The following PHACTR3 variants were observed in gnomAD, a reference collection of about 807,000 sequenced individuals.
PHACTR3 encodes the protein protein phosphatase 1, regulatory subunit 123.
Under a neutral mutation model 66.8 loss-of-function variants are expected in PHACTR3, and 16 were observed. The ratio of observed to expected loss-of-function variants is 0.24; its 90% CI spans 0.16 to 0.36. PHACTR3 has a LOEUF of 0.36. PHACTR3 is among the 10% of genes least tolerant of loss of function. The pLI is 1.00. For synonymous variants in PHACTR3, 323 were observed against 292.1 expected (o/e 1.11, Z -1.08); for missense variants, 647 against 719.9 (o/e 0.90, Z 1.16).
At chr20:59,831,863 G>C (rs553350880) in intron 8 of PHACTR3, among the ~76,000 whole-genome samples, 3 of 152,200 alleles carry the variant, frequency 2.0e-5, no homozygotes, top group Non-Finnish European at 1.5e-5. Context: ...GGCTCTGGGG[G>C]TCTGCTCTCA....
chr20:59,623,132 T>C (rs1002216037), intron 1 of PHACTR3, among the ~76,000 whole-genome samples: 4 of 151,772 alleles, frequency 2.6e-5, no homozygotes, highest in African/African-American at 9.7e-5. Flanking sequence ...GGCAGGAGCA[T>C]TATTGAAAAA....
intron 1 of PHACTR3, among the ~76,000 whole-genome samples, chr20:59,705,215 C>T (rs952089261): frequency 1.3e-5 from 2 of 152,204 alleles, no homozygotes; most frequent in Non-Finnish European, 2.9e-5. Context: ...GCCTCAGCCT[C>T]CCAAAGTGCT....
At chr20:59,622,134 G>T (rs532878450) in intron 1 of PHACTR3, among the ~76,000 whole-genome samples, 18 of 151,382 alleles carry the variant, frequency 1.2e-4, no homozygotes, top group African/African-American at 4.1e-4. Context: ...GCACGTGTGG[G>T]TACTTCCCCT....
chr20:59,829,744 C>T lies in PHACTR3; in HGVS notation c.1329-6761C>T, dbSNP rs1303076628. On this transcript the variant is annotated intron_variant, in intron 8 of 12. Transcript: ENST00000371015. This position sits in a 1 kb window ranked among gnomAD's most constrained non-coding sequence, Gnocchi z 4.2. ...GCGTCCCCTGTGGGTGTCGAGCTGT[C>T]TGTTCTCTCTAGGAAGGCATTCTGC... Among the ~76,000 whole-genome samples the T allele has an allele frequency of 2.0e-5, 3 of 152,240 alleles. No individual in the cohort carries two copies. The highest frequency in any genetic ancestry group is 4.8e-5 in the African/African-American group (2 of 41,470).
In PHACTR3 at chr20:59,818,739, A is replaced by C. The variant is rs532600909; in HGVS notation, c.1328+12545A>C. Among the ~76,000 whole-genome samples, 6 of 152,232 alleles carry C rather than the reference A, an allele frequency of 3.9e-5. No individual in the cohort carries two copies. The South Asian group carries it at 1.0e-3, about 26-fold the overall frequency. ...TGTCACCATTCCCTTTGCTTCACCA[A>C]CTTGATCTTCTTCAGATCCTTTTCT... On this transcript the variant is annotated intron_variant, in intron 8 of 12. Coordinates refer to ENST00000371015, the MANE Select transcript of PHACTR3 (RefSeq NM_080672.5).
intron 3 of PHACTR3, among the ~76,000 whole-genome samples, chr20:59,752,274 C>T (rs575680259): frequency 7.9e-5 from 12 of 152,338 alleles, no homozygotes; most frequent in African/African-American, 1.9e-4. Context: ...TGTGTGCCTG[C>T]GTGTGCATCT....
At chr20:59,701,663 C>T (rs1317237479) in intron 1 of PHACTR3, among the ~76,000 whole-genome samples, 1 of 152,176 alleles carries the variant, frequency 6.6e-6, no homozygotes, top group African/African-American at 2.4e-5. Context: ...CCCAGTTTCT[C>T]CTATTATTAA....
intron 8 of PHACTR3, among the ~76,000 whole-genome samples, chr20:59,815,144 A>G (rs1226982630): frequency 6.6e-6 from 1 of 152,192 alleles, no homozygotes; most frequent in Non-Finnish European, 1.5e-5. Context: ...AGCAAAGCCC[A>G]GACTGTTCTC....
intron 1 of PHACTR3, among the ~76,000 whole-genome samples, chr20:59,699,565 T>C (rs2037420426): frequency 6.6e-6 from 1 of 152,182 alleles, no homozygotes; most frequent in South Asian, 2.1e-4. Context: ...TGTAAAAATA[T>C]TTTAATAGAC....
Position 59,604,842 on chromosome 20 carries a change from C to T in PHACTR3, c.-173C>T. 1 of 1,213,128 alleles carries T rather than the reference C, an allele frequency of 8.2e-7. No individual in the cohort carries two copies. Among genetic ancestry groups the T allele is most frequent in the Non-Finnish European group, 1.0e-6 (1 of 977,218 alleles). The allele number at this position is 1,213,128 out of a possible 1,614,324, so 75.1% of individuals were successfully genotyped here. On this transcript the variant is annotated 5_prime_UTR_variant, in exon 1 of 13. Coordinates refer to ENST00000371015, the MANE Select transcript of PHACTR3 (RefSeq NM_080672.5). Reference sequence around the variant, plus strand: ...TTGTCTCCCCGCCCTGAAGCCAGCCCCGGCGTCTTTCTCCAGCTCGTTTCC... The same window carrying T: ...TTGTCTCCCCGCCCTGAAGCCAGCCTCGGCGTCTTTCTCCAGCTCGTTTCC...
chr20:59,739,993 A>C (rs1210255944), intron 1 of PHACTR3, among the ~76,000 whole-genome samples: 1 of 152,126 alleles, frequency 6.6e-6, no homozygotes, highest in African/African-American at 2.4e-5. Flanking sequence ...TTCATCTGTA[A>C]AATGGATATA....
chr20:59,633,316 C>T (rs946099410), intron 1 of PHACTR3, among the ~76,000 whole-genome samples: 2 of 152,188 alleles, frequency 1.3e-5, no homozygotes, highest in African/African-American at 2.4e-5. Flanking sequence ...GAATACTATG[C>T]AGCCATAAAA....
At chr20:59,771,391 G>A (rs2040355225) in intron 5 of PHACTR3, among the ~76,000 whole-genome samples, 1 of 152,116 alleles carries the variant, frequency 6.6e-6, no homozygotes, top group African/African-American at 2.4e-5. Context: ...TGCAGAAGCT[G>A]GGGATGGGTC....
intron 9 of PHACTR3, 150 bp from the exon 10 acceptor site, chr20:59,840,218 AC>A: frequency 7.8e-7 from 1 of 1,289,128 alleles, no homozygotes; most frequent in Non-Finnish European, 1.0e-6. Flanking sequence ...GCAGTGACTG[AC>A]AAAGTGGGAA....
chr20:59,801,912 C>T (rs74320213), intron 7 of PHACTR3, among the ~76,000 whole-genome samples: 7,009 of 152,216 alleles, frequency 0.046, 524 homozygotes, highest in East Asian at 0.36. Flanking sequence ...CTTAGCGAGA[C>T]GTGTGGCATC....
intron 1 of PHACTR3, among the ~76,000 whole-genome samples, chr20:59,718,665 G>A (rs117297361): frequency 0.021 from 3,201 of 152,256 alleles, 33 homozygotes; most frequent in Middle Eastern, 0.034. Context: ...AAGGTGACCT[G>A]TTTGAAATTG....
chr20:59,732,735 A>G (rs1436019711), intron 1 of PHACTR3, among the ~76,000 whole-genome samples: 1 of 152,176 alleles, frequency 6.6e-6, no homozygotes, highest in Non-Finnish European at 1.5e-5. Flanking sequence ...ATTGCCCTGC[A>G]TTTGATTCTG....
chr20:59,739,768 A>G (rs1451191400), intron 1 of PHACTR3, among the ~76,000 whole-genome samples: 1 of 151,902 alleles, frequency 6.6e-6, no homozygotes, highest in Non-Finnish European at 1.5e-5. Flanking sequence ...GCCTGGAGAG[A>G]ATGACCTCAT....
At chr20:59,663,000 T>C (rs1009844892) in intron 1 of PHACTR3, among the ~76,000 whole-genome samples, 1 of 152,204 alleles carries the variant, frequency 6.6e-6, no homozygotes, top group Non-Finnish European at 1.5e-5. Context: ...AAGGCATCAG[T>C]AGGGCTGAAA....
Sources: gnomAD v4.1 joint callset for allele counts (sites outside exome capture counted in the v4.1 genomes callset) on GRCh38, gnomAD v4.1.1 for gene constraint, Gnocchi (gnomAD v3.1) non-coding constraint, MANE v1.5 for transcripts, NCBI Gene and HGNC (gene_info 2026-07-23, HGNC 2026-07-21) for gene names.